The following PPP1R37 variants were observed in gnomAD, a reference collection of about 807,000 sequenced individuals.
PPP1R37 encodes leucine rich repeat containing 68.
In PPP1R37, 21 loss-of-function variants were observed where a neutral mutation model predicts 61.0. The ratio of observed to expected loss-of-function variants is 0.34; its 90% CI spans 0.24 to 0.50. The LOEUF is 0.50. Among genes scored for constraint, PPP1R37 ranks in the 20% least tolerant of loss-of-function variants. The probability of loss-of-function intolerance (pLI) is 0.98; values close to 1 mark genes in which losing one functional copy is unlikely to be tolerated. For synonymous variants in PPP1R37, 443 were observed against 433.5 expected, an observed-to-expected ratio of 1.02 and a Z score of -0.27; for missense variants, 910 against 952.7, an observed-to-expected ratio of 0.96 and a Z score of 0.59.
At chr19:45,136,283 G>T (rs150630548) in intron 1 of PPP1R37, 2 of 152,240 alleles carry the variant, frequency 1.3e-5, no homozygotes, top group African/African-American at 4.8e-5. Flanking sequence ...GAAAATATCT[G>T]TCGTTTCTTT....
intron 1 of PPP1R37, among the ~76,000 whole-genome samples, chr19:45,129,193 C>T (rs1422216841): frequency 6.6e-6 from 1 of 152,206 alleles, no homozygotes; most frequent in Non-Finnish European, 1.5e-5. Flanking sequence ...CTGCCCTTCA[C>T]CTAGCTCCCT....
At chr19:45,099,643 C>G (rs940783106) in intron 1 of PPP1R37, among the ~76,000 whole-genome samples, 19 of 152,228 alleles carry the variant, frequency 1.2e-4, no homozygotes, top group African/African-American at 4.3e-4. Context: ...ATTCTTTGTG[C>G]CTGTGATTAT....
rs574363188 is a variant in PPP1R37 at position 45,131,855 on chromosome 19, A to G, written c.203-6659A>G. On this transcript the variant is annotated intron_variant, in intron 1 of 12. Coordinates refer to ENST00000221462, the MANE Select transcript of PPP1R37 (RefSeq NM_019121.2). ...ATTTGTGTCTCCTGCTGACTAAGCC[A>G]CACTGTGACACTGGTGCCAGCTACT... 2.0e-5 allele frequency among the ~76,000 whole-genome samples: 3 copies of G among 151,476 alleles called. No individual in the cohort carries two copies. In the East Asian group the frequency reaches 5.8e-4, roughly 29 times the overall value.
At chr19:45,135,997 G>C (rs1358226222) in intron 1 of PPP1R37, 2 of 152,070 alleles carry the variant, frequency 1.3e-5, no homozygotes, top group Non-Finnish European at 2.9e-5. Flanking sequence ...TGCCCCGGCT[G>C]GTCTTGAAAT....
rs369832628 is a variant in PPP1R37, at chr19:45,120,269, A to G, written c.203-18245A>G. 7.2e-5 allele frequency among the ~76,000 whole-genome samples: 11 copies of G among 152,204 alleles called. No homozygotes were observed. The East Asian group carries it at 1.2e-3, about 16-fold the overall frequency. ...CCTGACCTTGTGATCCGCCCACCTT[A>G]GCCTCCCAAAGTGCTGGGATTAGAG... is the stretch of plus-strand genomic sequence containing the variant. On this transcript the variant is annotated intron_variant, in intron 1 of 12. Coordinates refer to ENST00000221462, the MANE Select transcript of PPP1R37 (RefSeq NM_019121.2).
chr19:45,117,096 A>G (rs1968278318), intron 1 of PPP1R37, among the ~76,000 whole-genome samples: 2 of 151,998 alleles, frequency 1.3e-5, no homozygotes, highest in Non-Finnish European at 2.9e-5. Flanking sequence ...TATTTTTAGT[A>G]GAGATGGGGT....
intron 11 of PPP1R37, 73 bp downstream of exon 11, chr19:45,146,122 T>C: frequency 3.6e-6 from 5 of 1,403,990 alleles, no homozygotes; most frequent in Non-Finnish European, 4.7e-6. Context: ...CCCCTGCCTG[T>C]TGTGGACCTC....
chr19:45,103,199 C>T (rs1968085620), intron 1 of PPP1R37, among the ~76,000 whole-genome samples: 1 of 152,194 alleles, frequency 6.6e-6, no homozygotes, highest in Non-Finnish European at 1.5e-5. Context: ...AAGTTGTTCT[C>T]ACCCCTTCCC....
At chr19:45,115,249 A>G (rs1310164563) in intron 1 of PPP1R37, among the ~76,000 whole-genome samples, 2 of 152,174 alleles carry the variant, frequency 1.3e-5, no homozygotes, top group African/African-American at 2.4e-5. Flanking sequence ...AACAGAGGAG[A>G]CAGTGGCGAG....
intron 1 of PPP1R37, among the ~76,000 whole-genome samples, chr19:45,094,279 C>G (rs1427802138): frequency 6.6e-6 from 1 of 152,150 alleles, no homozygotes; most frequent in African/African-American, 2.4e-5. Context: ...CCACCGCCGC[C>G]TGCTGCAATG....
intron 2 of PPP1R37, 104 bp from the exon 3 acceptor site, chr19:45,140,132 C>T: frequency 9.6e-7 from 1 of 1,037,448 alleles, no homozygotes; most frequent in South Asian, 1.4e-5. Flanking sequence ...CGCCCAAACC[C>T]CACCCCAGAA....
Position 45,145,262 on chromosome 19 carries a change from TGA to T in PPP1R37, c.1296+4_1296+5del. 6.5e-7 allele frequency: 1 copy of T among 1,530,232 alleles called. No individual in the cohort carries two copies. Among genetic ancestry groups the T allele is most frequent in the Non-Finnish European group, 8.7e-7 (1 of 1,143,956 alleles). The allele number at this position is 1,530,232 out of a possible 1,614,324, so 94.8% of individuals were successfully genotyped here. A position where few individuals can be genotyped will look rare whatever the true frequency, so the allele number is the denominator to read the frequency against. ...GACCGTGAACCCAAGAAAGAGGCGG[TGA>T]GCAGGGGACGGTCCTGCAGCCCTGG... On this transcript the variant is annotated splice_donor_region_variant and intron_variant, in intron 10 of 12. Transcript: ENST00000221462.
In PPP1R37 at chr19:45,093,452, G is replaced by C; in HGVS notation, c.127G>C (p.Ala43Pro). The change falls in exon 1 of 13, where the codon GCC becomes CCC. Residue 43 changes from alanine (A) to proline (P), a missense_variant. By Grantham distance (27) the Ala-to-Pro change is conservative. This residue lies in a region of PPP1R37 where 81 missense variants were observed against 65.4 expected (regional missense o/e 1.24). Coordinates refer to ENST00000221462, the MANE Select transcript of PPP1R37 (RefSeq NM_019121.2). ...PPADGRLKAA[A>P]KRVTFPSDED... ...CGCCGATGGGCGCCTCAAGGCTGCA[G>C]CCAAGCGCGTCACATTCCCGTCCGA... 1 of 1,535,576 alleles carries C rather than the reference G, an allele frequency of 6.5e-7. No homozygotes were observed. The highest frequency in any genetic ancestry group is 8.7e-7 in the Non-Finnish European group (1 of 1,146,766).
At chr19:45,116,532 T>C (rs1968269643) in intron 1 of PPP1R37, among the ~76,000 whole-genome samples, 4 of 152,156 alleles carry the variant, frequency 2.6e-5, no homozygotes. Context: ...TCAGCAGGCC[T>C]GAGGAGGGCA....
At chr19:45,122,914 C>T (rs1968359011) in intron 1 of PPP1R37, among the ~76,000 whole-genome samples, 1 of 152,214 alleles carries the variant, frequency 6.6e-6, no homozygotes, top group African/African-American at 2.4e-5. Flanking sequence ...TCTCGTCTCA[C>T]ACTCCAGGTC....
At chr19:45,118,686 G>A (rs538758532) in intron 1 of PPP1R37, among the ~76,000 whole-genome samples, 22 of 152,312 alleles carry the variant, frequency 1.4e-4, no homozygotes, top group Admixed American at 1.4e-3. Context: ...CCCTCACCGT[G>A]TACCTCAGAG....
Position 45,146,850 on chromosome 19 carries a change from C to CGCCT in PPP1R37, c.*290_*293dup, listed in dbSNP as rs1400785865. The CGCCT allele has an allele frequency of 4.9e-6, 1 of 202,572 alleles. No individual in the cohort carries two copies. The highest frequency in any genetic ancestry group is 1.0e-5 in the Non-Finnish European group (1 of 97,584). 12.5% of individuals were successfully genotyped at this position (202,572 alleles called of 1,614,324 possible). On this transcript the variant is annotated 3_prime_UTR_variant, in exon 13 of 13. Coordinates refer to ENST00000221462, the MANE Select transcript of PPP1R37 (RefSeq NM_019121.2). ...GGAGGAGGTCTCCAAGGACATCAGG[C>CGCCT]GCCTGTTCTGGAGGGGCCAGGCTTG...
intron 11 of PPP1R37, 139 bp downstream of exon 11, chr19:45,146,188 C>T (rs945841657): frequency 1.9e-6 from 2 of 1,029,132 alleles, no homozygotes; most frequent in African/African-American, 3.2e-5. Context: ...GGGCTTAGTT[C>T]TCATCTCCAC....
At chr19:45,103,321 C>G (rs569641211) in intron 1 of PPP1R37, among the ~76,000 whole-genome samples, 1 of 152,242 alleles carries the variant, frequency 6.6e-6, no homozygotes, top group African/African-American at 2.4e-5. Flanking sequence ...CATCTCACTT[C>G]GCAGCGGAAG....
Sources: gnomAD v4.1 joint callset for allele counts (sites outside exome capture counted in the v4.1 genomes callset) on GRCh38, gnomAD v4.1.1 for gene constraint, gnomAD v4.1.1 regional missense constraint, MANE v1.5 for transcripts, NCBI Gene and HGNC (gene_info 2026-07-23, HGNC 2026-07-21) for gene names.